PAH: variants seen among roughly 807,000 people sequenced by gnomAD.
PAH encodes phenylalanine-4-hydroxylase.
PAH carries 64 observed loss-of-function variants against 62.0 expected under a neutral mutation model. That is an observed-to-expected ratio of 1.03 (90% CI 0.84 to 1.27). PAH has a LOEUF of 1.27. Among genes scored for constraint, PAH ranks in the 50% most tolerant of loss-of-function variants. The pLI is 0.00. For synonymous variants in PAH, 195 were observed against 196.2 expected, an observed-to-expected ratio of 0.99 and a Z score of 0.05; for missense variants, 579 against 542.8, an observed-to-expected ratio of 1.07 and a Z score of -0.66.
At position 102,928,783 on chromosome 12, in the gene PAH, G is replaced by A. The variant is rs544097800; in HGVS notation, c.-95-11558C>T. On this transcript the variant is annotated intron_variant, in intron 1 of 3. Coordinates refer to the PAH transcript ENST00000546844. ...CTCACCAGGGAAAAAGGTGGCTGAG[G>A]TCTAGGGCTAAGGAGACACTTGGGG... Among the ~76,000 whole-genome samples the A allele has an allele frequency of 1.3e-3, 195 of 152,214 alleles. 6 individuals carry two copies. In the South Asian group the frequency reaches 0.039, roughly 31 times the overall value.
At chr12:102,921,680 A>G (rs565880785), upstream of PAH, among the ~76,000 whole-genome samples, 5 of 152,334 alleles carry the variant, frequency 3.3e-5, no homozygotes, top group South Asian at 8.3e-4. Flanking sequence ...TGCATTGTAG[A>G]TATACCTGTA....
At chr12:102,924,090 G>A (rs1418148545) in intron 1 of PAH, among the ~76,000 whole-genome samples, 1 of 152,206 alleles carries the variant, frequency 6.6e-6, no homozygotes, top group African/African-American at 2.4e-5. Flanking sequence ...AAGGTAAAGA[G>A]GAGGGAATAC....
At chr12:102,865,571 C>A (rs1875920938) in intron 5 of PAH, among the ~76,000 whole-genome samples, 1 of 152,136 alleles carries the variant, frequency 6.6e-6, no homozygotes, top group African/African-American at 2.4e-5. Flanking sequence ...CCTGTACCTG[C>A]TTTGATGGTG....
At position 102,848,851 on chromosome 12, in the gene PAH, G is replaced by A. The variant is rs533213280; in HGVS notation, c.913-1900C>T. Among the ~76,000 whole-genome samples, 19 of 148,640 alleles carry A rather than the reference G, an allele frequency of 1.3e-4. No homozygotes were observed. The Admixed American group carries it at 1.3e-3, about 10-fold the overall frequency. On this transcript the variant is annotated intron_variant, in intron 8 of 12. Transcript: ENST00000553106. ...CACAATACCAGGGCACCGAAAGGCTGAGGGTTAAAGGGACACCAGGAGACT... is the reference window on the plus strand; with the variant it reads ...CACAATACCAGGGCACCGAAAGGCTAAGGGTTAAAGGGACACCAGGAGACT...
At chr12:102,928,619 C>CA (rs1795233389) in intron 1 of PAH, among the ~76,000 whole-genome samples, 1 of 152,154 alleles carries the variant, frequency 6.6e-6, no homozygotes, top group South Asian at 2.1e-4. Flanking sequence ...AGACTGCAGT[C>CA]ACTACTCATC....
At chr12:102,945,570 T>C (rs1879463536) in intron 1 of PAH, among the ~76,000 whole-genome samples, 1 of 152,112 alleles carries the variant, frequency 6.6e-6, no homozygotes, top group African/African-American at 2.4e-5. Context: ...TCTCTCACCC[T>C]GGCTACCACT....
At chr12:102,958,393 CGCAGCAGCAGCAGCAGCA>C (rs3832799), upstream of PAH, 165 of 1,507,064 alleles carry the variant, frequency 1.1e-4, no homozygotes, top group South Asian at 2.1e-4. Context: ...GCGCAGAGCG[CGCAGCAGCAGCAGCAGCA>C]GCAGCAGCAG....
rs535715056 is a variant in PAH, at chr12:102,838,378, G to T, written c.*797C>A. 7.2e-5 allele frequency: 11 copies of T among 152,238 alleles called. No individual in the cohort carries two copies. The East Asian group carries it at 1.9e-3, about 27-fold the overall frequency. 9.4% of individuals were successfully genotyped at this position (152,238 alleles called of 1,614,324 possible). ...CAAATAAAAATTTCACATTTATACA[G>T]ATTTGCTTTTCAATAATGTATTTAC... On this transcript the variant is annotated 3_prime_UTR_variant, in exon 13 of 13. Coordinates refer to ENST00000553106, the MANE Select transcript of PAH (RefSeq NM_000277.3).
At chr12:102,866,835 A>G (rs1344302239) in intron 4 of PAH, among the ~76,000 whole-genome samples, 172 bp from the exon 5 acceptor site, 1 of 152,216 alleles carries the variant, frequency 6.6e-6, no homozygotes, top group Non-Finnish European at 1.5e-5. Flanking sequence ...AGATATTGTG[A>G]GTGACACCTT....
Position 102,839,158 on chromosome 12 carries a change from A to G in PAH, c.*17T>C. 6.2e-7 allele frequency: 1 copy of G among 1,609,116 alleles called. No individual in the cohort carries two copies. ...TCAACAGATTCACAGCTGACAGACCACATTCTGTCCATGGCTTTACTTTAT... is the reference window on the plus strand; with the variant it reads ...TCAACAGATTCACAGCTGACAGACCGCATTCTGTCCATGGCTTTACTTTAT... On this transcript the variant is annotated 3_prime_UTR_variant, in exon 13 of 13. Coordinates refer to ENST00000553106, the MANE Select transcript of PAH (RefSeq NM_000277.3).
chr12:102,958,441 T>C (rs770471647), upstream of PAH: 5 of 1,552,786 alleles, frequency 3.2e-6, no homozygotes, highest in Non-Finnish European at 4.3e-6. Flanking sequence ...GCGCCGCAGC[T>C]GAGACCGGCG....
At chr12:102,866,863 T>A (rs1314422801) in intron 4 of PAH, among the ~76,000 whole-genome samples, 200 bp from the exon 5 acceptor site, 1 of 152,210 alleles carries the variant, frequency 6.6e-6, no homozygotes, top group Non-Finnish European at 1.5e-5. Context: ...ACTTCTTTGA[T>A]TTAGCATGAG....
chr12:102,955,552 C>A (rs1296152498), upstream of PAH, among the ~76,000 whole-genome samples: 1 of 152,232 alleles, frequency 6.6e-6, no homozygotes, highest in African/African-American at 2.4e-5. Context: ...ACCCCCAACA[C>A]TCAACTATTT....
intron 2 of PAH, among the ~76,000 whole-genome samples, chr12:102,909,873 C>T (rs537383898): frequency 3.6e-4 from 55 of 152,236 alleles, no homozygotes; most frequent in Admixed American, 3.1e-3. Flanking sequence ...GCATGAGAAT[C>T]GCCTGAACCT....
intron 5 of PAH, among the ~76,000 whole-genome samples, chr12:102,863,927 C>A (rs1176720854): frequency 1.3e-5 from 2 of 152,114 alleles, no homozygotes; most frequent in African/African-American, 4.8e-5. Context: ...GCTGTAGCAG[C>A]CTTCTAGATG....
chr12:102,879,605 T>TG (rs3062683), intron 3 of PAH, among the ~76,000 whole-genome samples: 21,228 of 138,538 alleles, frequency 0.15, 1,407 homozygotes, highest in Middle Eastern at 0.18. Context: ...ATTTTACCTG[T>TG]GGGGGGGGGG....
chr12:102,865,218 C>A (rs1875905779), intron 5 of PAH, among the ~76,000 whole-genome samples: 1 of 152,158 alleles, frequency 6.6e-6, no homozygotes, highest in Non-Finnish European at 1.5e-5. Flanking sequence ...CAAATCCCAG[C>A]AACCCAGAAG....
At chr12:102,898,783 T>C (rs1038601651) in intron 2 of PAH, among the ~76,000 whole-genome samples, 4 of 152,218 alleles carry the variant, frequency 2.6e-5, no homozygotes, top group Non-Finnish European at 4.4e-5. Flanking sequence ...CACACTGCCT[T>C]TCCTGCCAGG....
chr12:102,895,890 A>G lies in PAH; in HGVS notation c.169-972T>C, dbSNP rs1877486266. On this transcript the variant is annotated intron_variant, in intron 2 of 12. Coordinates refer to ENST00000553106, the MANE Select transcript of PAH (RefSeq NM_000277.3). Reference sequence around the variant, plus strand: ...AAAAAATATATATATATATATATATATGTATATAAAATTACTTTCCATTCA... The same window carrying G: ...AAAAAATATATATATATATATATATGTGTATATAAAATTACTTTCCATTCA... Among the ~76,000 whole-genome samples the G allele has an allele frequency of 2.0e-5, 3 of 147,030 alleles. 1 individual carries two copies. The highest frequency in any genetic ancestry group is 7.5e-5 in the African/African-American group (3 of 40,156).
Sources: allele counts gnomAD v4.1 joint callset (sites outside exome capture counted in the v4.1 genomes callset), GRCh38; gene constraint gnomAD v4.1.1; transcripts MANE v1.5; gene names NCBI Gene and HGNC (gene_info 2026-07-23, HGNC 2026-07-21).